RPH3AL: variants seen among roughly 807,000 people sequenced by gnomAD.
RPH3AL encodes rab effector Noc2.
RPH3AL carries 38 observed loss-of-function variants against 43.1 expected under a neutral mutation model. The ratio of observed to expected loss-of-function variants is 0.88; its 90% CI spans 0.68 to 1.15. The LOEUF (loss-of-function observed/expected upper bound fraction) is 1.15. Among genes scored for constraint, RPH3AL ranks in the 50% most tolerant of loss-of-function variants. The pLI, the probability that RPH3AL is intolerant of heterozygous loss-of-function variation, is 0.00. For missense variants in RPH3AL, 462 were observed against 423.2 expected (o/e 1.09, Z -0.81); for synonymous variants, 189 against 176.3 (o/e 1.07, Z -0.57).
At position 281,412 on chromosome 17, in the gene RPH3AL, C is replaced by A. The variant is rs181800362; in HGVS notation, c.438+356G>T. Among the ~76,000 whole-genome samples, 23 of 152,192 alleles carry A rather than the reference C, an allele frequency of 1.5e-4. No homozygotes were observed. The East Asian group carries it at 3.7e-3, about 24-fold the overall frequency. On this transcript the variant is annotated intron_variant, in intron 6 of 9. Transcript: ENST00000331302. ...GTGCCAGGCACACAGTCAGCGTTCACCCTGGGTAGCTACTACTGTTACCAT... is the reference window on the plus strand; with the variant it reads ...GTGCCAGGCACACAGTCAGCGTTCAACCTGGGTAGCTACTACTGTTACCAT...
At chr17:218,619 C>G (rs1023668521) in intron 8 of RPH3AL, among the ~76,000 whole-genome samples, 1 of 152,206 alleles carries the variant, frequency 6.6e-6, no homozygotes, top group Non-Finnish European at 1.5e-5. Flanking sequence ...TGGCCCTTTT[C>G]CCAGAAGTCC....
chr17:249,014 G>A (rs1345010639), intron 6 of RPH3AL, among the ~76,000 whole-genome samples: 2 of 152,138 alleles, frequency 1.3e-5, no homozygotes, highest in Non-Finnish European at 2.9e-5. Flanking sequence ...AGATGGGACA[G>A]CCTCTCCAAC....
chr17:293,426 A>T (rs1175659546), intron 5 of RPH3AL, among the ~76,000 whole-genome samples: 1 of 151,956 alleles, frequency 6.6e-6, no homozygotes, highest in Non-Finnish European at 1.5e-5. Context: ...GTCTCAGGGA[A>T]ATCGGGGTAT....
Position 333,054 on chromosome 17 carries a change from A to T in RPH3AL, c.-37+705T>A. The T allele has an allele frequency of 7.8e-7, 1 of 1,289,134 alleles. No individual in the cohort carries two copies. The highest frequency in any genetic ancestry group is 1.2e-5 in the South Asian group (1 of 81,016). 79.9% of individuals were successfully genotyped at this position (1,289,134 alleles called of 1,614,324 possible). On this transcript the variant is annotated intron_variant, in intron 2 of 9. Transcript: ENST00000331302. This position sits in a 1 kb window ranked among gnomAD's most constrained non-coding sequence, Gnocchi z 4.5. ...ATCGGTAAAAACAACCCCTTCTTCC[A>T]GGAGGATGCAATTCTCTCTCTAAAG... is the stretch of plus-strand genomic sequence containing the variant.
intron 5 of RPH3AL, among the ~76,000 whole-genome samples, chr17:302,735 C>T (rs540991956): frequency 9.2e-5 from 14 of 152,292 alleles, no homozygotes; most frequent in Middle Eastern, 3.4e-3. Context: ...GAAAAAGCCC[C>T]GAATACAACA....
At chr17:294,288 C>A (rs572451138) in intron 5 of RPH3AL, among the ~76,000 whole-genome samples, 1 of 79,138 alleles carries the variant, frequency 1.3e-5, no homozygotes, top group South Asian at 6.2e-4. Context: ...ATAGCAAGAC[C>A]CCGTCTCTAC....
At chr17:226,532 G>T (rs1362175444) in intron 7 of RPH3AL, among the ~76,000 whole-genome samples, 1 of 152,166 alleles carries the variant, frequency 6.6e-6, no homozygotes, top group Non-Finnish European at 1.5e-5. Flanking sequence ...TAAACCAAAG[G>T]AAGTCAGCAG....
At chr17:318,383 G>A (rs999771414) in intron 5 of RPH3AL, among the ~76,000 whole-genome samples, 1 of 151,746 alleles carries the variant, frequency 6.6e-6, no homozygotes, top group Middle Eastern at 3.4e-3. Context: ...CTCCGTCTCT[G>A]GGGGTGGAAA....
At chr17:344,082 T>A (rs1308877012) in intron 1 of RPH3AL, among the ~76,000 whole-genome samples, 1 of 103,656 alleles carries the variant, frequency 9.6e-6, no homozygotes, top group Non-Finnish European at 2.3e-5. Context: ...GTCATCACTA[T>A]CACCATCATT....
chr17:317,387 C>T (rs142757159), intron 5 of RPH3AL, among the ~76,000 whole-genome samples: 1 of 147,076 alleles, frequency 6.8e-6, no homozygotes, highest in Admixed American at 6.7e-5. Context: ...GTCCCTGTGG[C>T]CCCACGTCCA....
In RPH3AL at chr17:289,341, C is replaced by T. The variant is rs2151619350; in HGVS notation, c.352-7487G>A. ...ACACAAGCCACAACCCAGCACTCATCCTGGGCCCCCATCGTCCCTCCTTCC... is the reference window on the plus strand; with the variant it reads ...ACACAAGCCACAACCCAGCACTCATTCTGGGCCCCCATCGTCCCTCCTTCC... On this transcript the variant is annotated intron_variant, in intron 5 of 9. Coordinates refer to ENST00000331302, the MANE Select transcript of RPH3AL (RefSeq NM_006987.4). The surrounding 1 kb of genome is among the most constrained non-coding windows in gnomAD (Gnocchi z 5.2). 6.6e-6 allele frequency among the ~76,000 whole-genome samples: 1 copy of T among 152,270 alleles called. No homozygotes were observed. The highest frequency in any genetic ancestry group is 6.5e-5 in the Admixed American group (1 of 15,292).
chr17:321,383 TG>T lies in RPH3AL; in HGVS notation c.109del (p.Gln37ArgfsTer47), dbSNP rs758174070. The T allele has an allele frequency of 1.1e-5, 17 of 1,610,918 alleles. No homozygotes were observed. Among genetic ancestry groups the T allele is most frequent in the Non-Finnish European group, 1.3e-5 (15 of 1,179,912 alleles). On this transcript the variant is annotated frameshift_variant, in exon 4 of 10. Transcript: ENST00000331302. LOFTEE classifies it high-confidence loss of function. Reference protein sequence around the residue: ...LQTGWSVHTYQTEKQRRKQHL... With the variant: ...LQTGWSVHTYXTEKQRRKQHL... ...CTGCTTCCTCCTCTGCTTCTCCGTC[TG>T]GTAGGTGTGCACGGACCAGCCCGTC...
chr17:244,437 T>TG (rs907115286), intron 7 of RPH3AL, among the ~76,000 whole-genome samples: 4 of 129,092 alleles, frequency 3.1e-5, no homozygotes, highest in East Asian at 2.5e-4. Flanking sequence ...GGGAAGAGAA[T>TG]GGGGGGGGAG....
chr17:314,407 C>A (rs1555518045), intron 5 of RPH3AL, among the ~76,000 whole-genome samples: 1 of 131,184 alleles, frequency 7.6e-6, no homozygotes, highest in Non-Finnish European at 1.6e-5. Flanking sequence ...AGTCTCTGTG[C>A]CCCACCTCCA....
At chr17:244,707 A>T (rs1236441503) in intron 7 of RPH3AL, among the ~76,000 whole-genome samples, 1 of 152,184 alleles carries the variant, frequency 6.6e-6, no homozygotes, top group Admixed American at 6.5e-5. Flanking sequence ...CTGCAAGAGC[A>T]TGGGGCCACT....
intron 5 of RPH3AL, among the ~76,000 whole-genome samples, chr17:294,942 T>C (rs879072466): frequency 2.5e-5 from 1 of 40,130 alleles, no homozygotes; most frequent in Non-Finnish European, 4.5e-5. Flanking sequence ...CAGAAATGGA[T>C]GGACAGAGGG....
rs372212787 is a variant in RPH3AL at position 250,487 on chromosome 17, C to T, written c.439-3202G>A. Among the ~76,000 whole-genome samples, 11 of 150,254 alleles carry T rather than the reference C, an allele frequency of 7.3e-5. No individual in the cohort carries two copies. In the East Asian group the frequency reaches 1.8e-3, roughly 25 times the overall value. ...TAAGTGCCATCGCTGTGGGACCTCTCGGGGCCTTTACCAAGCTCCGTCGCT... is the reference window on the plus strand; with the variant it reads ...TAAGTGCCATCGCTGTGGGACCTCTTGGGGCCTTTACCAAGCTCCGTCGCT... On this transcript the variant is annotated intron_variant, in intron 6 of 9. Coordinates refer to ENST00000331302, the MANE Select transcript of RPH3AL (RefSeq NM_006987.4).
intron 6 of RPH3AL, among the ~76,000 whole-genome samples, chr17:248,743 G>A (rs1197847651): frequency 1.3e-5 from 2 of 152,326 alleles, no homozygotes; most frequent in South Asian, 2.1e-4. Context: ...CCACATGCTC[G>A]CTGTGTGGCT....
At chr17:282,897 T>C (rs1355854285) in intron 5 of RPH3AL, among the ~76,000 whole-genome samples, 1 of 152,238 alleles carries the variant, frequency 6.6e-6, no homozygotes, top group East Asian at 1.9e-4. Context: ...TGTGGTATTA[T>C]AATGGTGTGG....
Sources: gnomAD v4.1 joint callset for allele counts (sites outside exome capture counted in the v4.1 genomes callset) on GRCh38, gnomAD v4.1.1 for gene constraint, Gnocchi (gnomAD v3.1) non-coding constraint, MANE v1.5 for transcripts, NCBI Gene and HGNC (gene_info 2026-07-23, HGNC 2026-07-21) for gene names.